Variants in ST3GAL3 observed in about 807,000 individuals in gnomAD.
ST3GAL3 encodes the protein CMP-N-acetylneuraminate-beta-1,4-galactoside alpha-2,3-sialyltransferase.
In ST3GAL3, 21 loss-of-function variants were observed where a neutral mutation model predicts 50.1. The observed-to-expected ratio is 0.42, with a 90% CI of 0.30 to 0.60. The LOEUF (loss-of-function observed/expected upper bound fraction) is 0.60, where lower values mean the gene tolerates loss of function less well. Ranked by LOEUF, ST3GAL3 falls within the 20% of genes least tolerant of loss-of-function variation. The probability of loss-of-function intolerance (pLI) is 0.19; values close to 1 mark genes in which losing one functional copy is unlikely to be tolerated. For synonymous variants in ST3GAL3, 183 were observed against 190.0 expected (o/e 0.96, Z 0.30); for missense variants, 353 against 489.4 (o/e 0.72, Z 2.63).
chr1:43,867,468 A>G (rs1400305346), intron 5 of ST3GAL3, among the ~76,000 whole-genome samples: 2 of 152,170 alleles, frequency 1.3e-5, no homozygotes, highest in East Asian at 3.9e-4. Flanking sequence ...CACTTAAGGA[A>G]AGATGTAGAT....
chr1:43,916,299 T>C (rs1410129575), intron 9 of ST3GAL3, among the ~76,000 whole-genome samples: 1 of 152,158 alleles, frequency 6.6e-6, no homozygotes, highest in Non-Finnish European at 1.5e-5. Context: ...AGATGAAAGA[T>C]GATAAGACCT....
intron 4 of ST3GAL3, among the ~76,000 whole-genome samples, chr1:43,828,070 G>C (rs1164573228): frequency 6.6e-6 from 1 of 152,114 alleles, no homozygotes; most frequent in Non-Finnish European, 1.5e-5. Context: ...TAGATCAATA[G>C]AATAGGATAG....
chr1:43,851,287 G>C (rs760918358), intron 5 of ST3GAL3: 4 of 1,568,908 alleles, frequency 2.5e-6, no homozygotes, highest in African/African-American at 1.4e-5. Flanking sequence ...TCATGAACCC[G>C]TGGGTCAGGT....
chr1:43,785,149 G>A (rs1231579921), intron 2 of ST3GAL3, among the ~76,000 whole-genome samples: 2 of 152,156 alleles, frequency 1.3e-5, no homozygotes, highest in Non-Finnish European at 2.9e-5. Flanking sequence ...CTAAACAGTT[G>A]AGAGACTAAA....
chr1:43,875,231 T>C (rs1049441895), intron 5 of ST3GAL3, among the ~76,000 whole-genome samples: 1 of 152,148 alleles, frequency 6.6e-6, no homozygotes, highest in Non-Finnish European at 1.5e-5. Context: ...GTGTTGAGGA[T>C]TGTACGAGTT....
chr1:43,743,386 G>A (rs557862675), intron 2 of ST3GAL3: 42 of 266,148 alleles, frequency 1.6e-4, no homozygotes, highest in Non-Finnish European at 3.0e-4. Context: ...GTGTGGACAT[G>A]GTGCCTCTTT....
At chr1:43,770,242 G>T (rs1694582687) in intron 2 of ST3GAL3, among the ~76,000 whole-genome samples, 1 of 131,646 alleles carries the variant, frequency 7.6e-6, no homozygotes, top group South Asian at 3.1e-4. Flanking sequence ...GAGGAGAGGA[G>T]AGGGGAGGGG....
At chr1:43,762,036 C>T (rs1235806305) in intron 2 of ST3GAL3, among the ~76,000 whole-genome samples, 1 of 149,308 alleles carries the variant, frequency 6.7e-6, no homozygotes, top group African/African-American at 2.5e-5. Context: ...GAGGCCAAGG[C>T]AGGAGGTTCA....
At chr1:43,923,467 C>T (rs761084116) in intron 11 of ST3GAL3, among the ~76,000 whole-genome samples, 2 of 152,108 alleles carry the variant, frequency 1.3e-5, no homozygotes, top group East Asian at 3.9e-4. Flanking sequence ...AACAGAAATT[C>T]ATATCCCACA....
Position 43,889,083 on chromosome 1 carries a change from T to C in ST3GAL3, c.303-5300T>C, listed in dbSNP as rs181307154. ...TACATAATCAATCATGGGAGTATTA[T>C]TGAGTATGTAATTATAATGGAGTGC... On this transcript the variant is annotated intron_variant, in intron 5 of 11. Coordinates refer to ENST00000347631, the MANE Select transcript of ST3GAL3 (RefSeq NM_006279.5). Among the ~76,000 whole-genome samples, 7 of 152,220 alleles carry C rather than the reference T, an allele frequency of 4.6e-5. No homozygotes were observed. In the East Asian group the frequency reaches 9.6e-4, roughly 21 times the overall value.
chr1:43,856,177 T>A (rs1329791141), intron 5 of ST3GAL3, among the ~76,000 whole-genome samples: 3 of 152,204 alleles, frequency 2.0e-5, no homozygotes, highest in African/African-American at 7.2e-5. Flanking sequence ...CTTAAGAAAT[T>A]TTATCTTTCA....
chr1:43,898,045 C>T (rs2077647287), intron 6 of ST3GAL3, among the ~76,000 whole-genome samples, 190 bp from the exon 7 acceptor site: 2 of 152,178 alleles, frequency 1.3e-5, no homozygotes, highest in African/African-American at 4.8e-5. Context: ...CTGTCTGTTT[C>T]CTGCCATCAC....
intron 1 of ST3GAL3, among the ~76,000 whole-genome samples, chr1:43,726,236 CTG>C (rs1397700327): frequency 6.6e-6 from 1 of 151,952 alleles, no homozygotes; most frequent in Non-Finnish European, 1.5e-5. Context: ...CTGTTCCCCT[CTG>C]TTAATAATTA....
intron 5 of ST3GAL3, among the ~76,000 whole-genome samples, chr1:43,882,031 G>A (rs944109906): frequency 1.3e-5 from 2 of 151,926 alleles, no homozygotes; most frequent in Admixed American, 6.6e-5. Context: ...GCTGCAAGCC[G>A]GGGGGTGCTA....
intron 3 of ST3GAL3, among the ~76,000 whole-genome samples, chr1:43,810,896 C>G (rs2060481007): frequency 6.6e-6 from 1 of 151,632 alleles, no homozygotes. Context: ...TGGCCTCCCT[C>G]TATTCCAGTC....
At chr1:43,731,578 TAGTA>T (rs1310658047) in intron 1 of ST3GAL3, among the ~76,000 whole-genome samples, 1 of 125,416 alleles carries the variant, frequency 8.0e-6, no homozygotes, top group African/African-American at 2.9e-5. Flanking sequence ...TTTTTTTTTT[TAGTA>T]GAGATGGGGT....
At chr1:43,878,907 C>G (rs745938825) in intron 5 of ST3GAL3, 2 of 400,682 alleles carry the variant, frequency 5.0e-6, no homozygotes, top group Non-Finnish European at 1.0e-5. Context: ...TGACAGTGAA[C>G]AGAATGGGCA....
intron 5 of ST3GAL3, among the ~76,000 whole-genome samples, chr1:43,852,295 C>T (rs1471115065): frequency 6.6e-6 from 1 of 152,236 alleles, no homozygotes; most frequent in Non-Finnish European, 1.5e-5. Context: ...CTCAGATTTA[C>T]TGAGCACTTG....
chr1:43,874,601 T>G (rs930777216), intron 5 of ST3GAL3, among the ~76,000 whole-genome samples: 7 of 152,170 alleles, frequency 4.6e-5, no homozygotes, highest in African/African-American at 1.2e-4. Flanking sequence ...AATGAGATGA[T>G]GTAAGAGTGA....
Sources: allele counts gnomAD v4.1 joint callset (sites outside exome capture counted in the v4.1 genomes callset), GRCh38; gene constraint gnomAD v4.1.1; transcripts MANE v1.5; gene names NCBI Gene and HGNC (gene_info 2026-07-23, HGNC 2026-07-21).